The following ZNF480 variants were observed in gnomAD, a reference collection of about 807,000 sequenced individuals.
ZNF480 encodes zinc finger protein 480.
ZNF480 carries 15 observed loss-of-function variants against 14.4 expected under a neutral mutation model. That is an observed-to-expected ratio of 1.04 (90% CI 0.70 to 1.60). ZNF480 has a LOEUF of 1.60. ZNF480 is among the 40% of genes most tolerant of loss of function. The probability of loss-of-function intolerance (pLI) is 0.00; values close to 1 mark genes in which losing one functional copy is unlikely to be tolerated. For synonymous variants in ZNF480, 218 were observed against 215.5 expected (o/e 1.01, Z -0.10); for missense variants, 593 against 629.7 (o/e 0.94, Z 0.62).
intron 2 of ZNF480, chr19:52,301,786 A>G (rs567710033): frequency 6.6e-6 from 1 of 152,354 alleles, no homozygotes; most frequent in Admixed American, 6.5e-5. Flanking sequence ...ACTCTTTTGA[A>G]GAATTTCAGT....
In ZNF480 at chr19:52,315,824, T is replaced by C; in HGVS notation, c.200-10T>C. 1.9e-6 allele frequency: 3 copies of C among 1,602,796 alleles called. No homozygotes were observed. Among genetic ancestry groups the C allele is most frequent in the Non-Finnish European group, 2.6e-6 (3 of 1,174,418 alleles). ...CTACAGCACATTTTGATTTTTTTTT[T>C]TACAAACAGGAATCTCTCTTCCTGA... On this transcript the variant is annotated splice_polypyrimidine_tract_variant and intron_variant, in intron 3 of 4. Coordinates refer to ENST00000595962, the MANE Select transcript of ZNF480 (RefSeq NM_144684.4).
intron 3 of ZNF480, among the ~76,000 whole-genome samples, chr19:52,314,514 T>C (rs1983460485): frequency 6.8e-6 from 1 of 147,268 alleles, no homozygotes; most frequent in Non-Finnish European, 1.5e-5. Flanking sequence ...AAAACCCTTA[T>C]TGACTCAGGC....
chr19:52,310,552 A>T (rs1600216675), intron 2 of ZNF480, among the ~76,000 whole-genome samples: 2 of 151,856 alleles, frequency 1.3e-5, no homozygotes, highest in Admixed American at 1.3e-4. Context: ...AGCACAGACC[A>T]GCCCCCTTTT....
intron 1 of ZNF480, 131 bp from the exon 2 acceptor site, chr19:52,300,263 C>T (rs922759120): frequency 5.2e-6 from 5 of 957,524 alleles, no homozygotes; most frequent in Non-Finnish European, 7.7e-6. Context: ...CTTGTCTCTG[C>T]ATCAACTCTG....
rs1458198059 is a variant in ZNF480 at position 52,315,952 on chromosome 19, T to C, written c.318T>C (p.Gly106=). The C allele has an allele frequency of 1.9e-6, 3 of 1,608,404 alleles. No homozygotes were observed. The highest frequency in any genetic ancestry group is 3.3e-5 in the Admixed American group (2 of 59,856). The change falls in exon 4 of 5, where the codon GGT becomes GGC. Residue 106 remains glycine (G), a synonymous_variant. Coordinates refer to ENST00000595962, the MANE Select transcript of ZNF480 (RefSeq NM_144684.4). The part of the protein sequence containing the change: ...KNSDGRECIK[G]VNTGSSYALG... ...CAGATGGGAGGGAGTGCATCAAAGGTGTGAACACAGGTAAGAGCTCAGATG... is the reference window on the plus strand; with the variant it reads ...CAGATGGGAGGGAGTGCATCAAAGGCGTGAACACAGGTAAGAGCTCAGATG...
chr19:52,313,639 A>G (rs1983400341), intron 2 of ZNF480, among the ~76,000 whole-genome samples: 1 of 152,214 alleles, frequency 6.6e-6, no homozygotes, highest in Non-Finnish European at 1.5e-5. Context: ...TATGTCCACA[A>G]AATGAGAAAT....
In ZNF480 at chr19:52,322,388, T is replaced by G. The variant is rs970185903; in HGVS notation, c.1138T>G (p.Phe380Val). The change falls in exon 5 of 5, where the codon TTT becomes GTT. Residue 380 changes from phenylalanine to valine, a missense_variant. By Grantham distance (50) the Phe-to-Val change is conservative. Transcript: ENST00000595962. Reference sequence around the variant, plus strand: ...CAAATGTAATGAATGTGGAAAGGTCTTTATTCAAAATTCGCACCTAGCACA... The same window carrying G: ...CAAATGTAATGAATGTGGAAAGGTCGTTATTCAAAATTCGCACCTAGCACA... ...PYKCNECGKV[F>V]IQNSHLAQHW... 20 of 1,613,890 alleles carry G rather than the reference T, an allele frequency of 1.2e-5. No individual in the cohort carries two copies. Among genetic ancestry groups the G allele is most frequent in the Admixed American group, 3.3e-5 (2 of 59,980 alleles).
intron 2 of ZNF480, among the ~76,000 whole-genome samples, chr19:52,305,766 G>A (rs772148467): frequency 5.3e-5 from 8 of 152,184 alleles, no homozygotes; most frequent in Non-Finnish European, 1.0e-4. Flanking sequence ...GGGGGTGAGG[G>A]AGTGGCCTGA....
chr19:52,322,551 A>G lies in ZNF480; in HGVS notation c.1301A>G (p.Lys434Arg). ...CCTTACAAATGTAATGAATGTGGTA[A>G]AGCATTTAGTGAGTATTCAGGCCTT... ...EKPYKCNECG[K>R]AFSEYSGLSA... Residue 434 changes from lysine (K) to arginine (R), a missense_variant, in exon 5 of 5, where the codon AAA becomes AGA. Physicochemically the swap from Lys to Arg is conservative, Grantham distance 26. Coordinates refer to ENST00000595962, the MANE Select transcript of ZNF480 (RefSeq NM_144684.4). 1.2e-6 allele frequency: 2 copies of G among 1,614,094 alleles called. No homozygotes were observed. The highest frequency in any genetic ancestry group is 1.7e-6 in the Non-Finnish European group (2 of 1,180,002).
At chr19:52,319,360 A>C (rs928474388) in intron 4 of ZNF480, among the ~76,000 whole-genome samples, 1 of 152,148 alleles carries the variant, frequency 6.6e-6, no homozygotes, top group African/African-American at 2.4e-5. Context: ...ACTTTTGCTA[A>C]ATATAGTATT....
chr19:52,312,485 G>A (rs1428792567), intron 2 of ZNF480, among the ~76,000 whole-genome samples: 4 of 152,082 alleles, frequency 2.6e-5, no homozygotes, highest in Admixed American at 6.6e-5. Flanking sequence ...GAAGGTCCAT[G>A]ATTTTATCCC....
intron 2 of ZNF480, 146 bp downstream of exon 2, chr19:52,300,630 AGCTTGG>A: frequency 7.0e-7 from 1 of 1,427,330 alleles, no homozygotes; most frequent in African/African-American, 1.4e-5. Context: ...TGCCGAGACC[AGCTTGG>A]TCGTGGGGAC....
At chr19:52,299,860 A>C (rs981220353) in intron 1 of ZNF480, among the ~76,000 whole-genome samples, 1 of 152,092 alleles carries the variant, frequency 6.6e-6, no homozygotes, top group African/African-American at 2.4e-5. Context: ...CGCCCAGCTA[A>C]TTTTTGTATT....
At chr19:52,312,396 G>T (rs2122540826) in intron 2 of ZNF480, among the ~76,000 whole-genome samples, 1 of 152,236 alleles carries the variant, frequency 6.6e-6, no homozygotes, top group Middle Eastern at 3.4e-3. Flanking sequence ...CCCTGACCTT[G>T]TGATCCACCC....
chr19:52,312,315 C>T (rs1983324404), intron 2 of ZNF480, among the ~76,000 whole-genome samples: 2 of 151,952 alleles, frequency 1.3e-5, no homozygotes, highest in Non-Finnish European at 2.9e-5. Flanking sequence ...CACGTGCCAC[C>T]ATGCCCAGCT....
chr19:52,300,314 TC>T (rs762529324), intron 1 of ZNF480, 79 bp from the exon 2 acceptor site: 13 of 1,476,478 alleles, frequency 8.8e-6, no homozygotes, highest in Non-Finnish European at 1.2e-5. Flanking sequence ...CAGGGTGAGG[TC>T]TAACCTGTGT....
intron 2 of ZNF480, among the ~76,000 whole-genome samples, chr19:52,310,434 C>G (rs1983215321): frequency 6.6e-6 from 1 of 152,048 alleles, no homozygotes; most frequent in Admixed American, 6.6e-5. Context: ...TAATTATATA[C>G]ATTTTTAAAT....
At chr19:52,305,055 C>T (rs554125848) in intron 2 of ZNF480, among the ~76,000 whole-genome samples, 12 of 152,120 alleles carry the variant, frequency 7.9e-5, no homozygotes, top group Admixed American at 3.9e-4. Flanking sequence ...GCTGAGATCA[C>T]GCCACTGCAC....
intron 2 of ZNF480, among the ~76,000 whole-genome samples, chr19:52,311,885 G>A (rs1349974301): frequency 1.3e-5 from 2 of 152,126 alleles, no homozygotes. Flanking sequence ...TTCAGTTGAT[G>A]TGTATAAGTG....
Sources: gnomAD v4.1 joint callset for allele counts (sites outside exome capture counted in the v4.1 genomes callset) on GRCh38, gnomAD v4.1.1 for gene constraint, MANE v1.5 for transcripts, NCBI Gene and HGNC (gene_info 2026-07-23, HGNC 2026-07-21) for gene names.